JHY: variants seen among roughly 807,000 people sequenced by gnomAD.
The protein encoded by JHY is jhy protein homolog.
A neutral mutation model predicts 78.0 loss-of-function variants in JHY; 69 were observed. The ratio of observed to expected loss-of-function variants is 0.88; its 90% CI spans 0.73 to 1.08. The LOEUF (loss-of-function observed/expected upper bound fraction) is 1.08, where lower values mean the gene tolerates loss of function less well. JHY is among the 50% of genes least tolerant of loss of function. The probability of loss-of-function intolerance (pLI) is 0.00; values close to 1 mark genes in which losing one functional copy is unlikely to be tolerated. For missense variants in JHY, 944 were observed against 927.8 expected, an observed-to-expected ratio of 1.02 and a Z score of -0.23; for synonymous variants, 368 against 342.6, an observed-to-expected ratio of 1.07 and a Z score of -0.82.
intron 2 of JHY, among the ~76,000 whole-genome samples, chr11:122,902,815 C>T (rs1862890271): frequency 6.6e-6 from 1 of 152,172 alleles, no homozygotes. Flanking sequence ...AGAACTCTGT[C>T]CCCATGATCC....
chr11:122,963,715 C>T lies in JHY; in HGVS notation c.*4270C>T, dbSNP rs1208304990. Among the ~76,000 whole-genome samples, 1 of 151,940 alleles carries T rather than the reference C, an allele frequency of 6.6e-6. No homozygotes were observed. The highest frequency in any genetic ancestry group is 2.4e-5 in the African/African-American group (1 of 41,358). The stretch of plus-strand genomic sequence containing the variant: ...TATTCAAAAGCAAAAAATAATCTGC[C>T]AATTAGAAAACAAAAAACTTCAAAC... On this transcript the variant is annotated 3_prime_UTR_variant, in exon 9 of 9. Coordinates refer to ENST00000227349, the MANE Select transcript of JHY (RefSeq NM_024806.4).
intron 5 of JHY, among the ~76,000 whole-genome samples, chr11:122,941,385 C>A (rs969006696): frequency 3.3e-5 from 5 of 152,184 alleles, no homozygotes; most frequent in Non-Finnish European, 7.3e-5. Context: ...ATATTTGTAT[C>A]TCCTTTTTCC....
At chr11:122,901,648 C>T (rs1424360760) in intron 2 of JHY, among the ~76,000 whole-genome samples, 1 of 151,384 alleles carries the variant, frequency 6.6e-6, no homozygotes, top group East Asian at 1.9e-4. Context: ...CTGAGGCAGG[C>T]AGATCACGAG....
At chr11:122,941,264 C>T (rs1381378205) in intron 5 of JHY, among the ~76,000 whole-genome samples, 1 of 152,124 alleles carries the variant, frequency 6.6e-6, no homozygotes, top group Non-Finnish European at 1.5e-5. Flanking sequence ...TGTACCTGAA[C>T]CTCTTTCTAT....
intron 3 of JHY, among the ~76,000 whole-genome samples, chr11:122,909,572 G>A (rs768567387): frequency 6.6e-6 from 1 of 152,160 alleles, no homozygotes; most frequent in Non-Finnish European, 1.5e-5. Context: ...TTGAGGTCAG[G>A]AGTTTGTGAC....
chr11:122,923,680 C>T (rs1301542364), intron 3 of JHY, among the ~76,000 whole-genome samples: 1 of 151,834 alleles, frequency 6.6e-6, no homozygotes, highest in African/African-American at 2.4e-5. Flanking sequence ...AGATTAGACC[C>T]ACCTGGGGAG....
In JHY at chr11:122,885,460, G is replaced by T. The variant is rs552398925; in HGVS notation, c.-89-301G>T. Reference sequence around the variant, plus strand: ...TAATTAACCATTTGTCTTAGTCCAGGCTTGTCTGTAACAAGCCCTTGGAAG... The same window carrying T: ...TAATTAACCATTTGTCTTAGTCCAGTCTTGTCTGTAACAAGCCCTTGGAAG... On this transcript the variant is annotated intron_variant, in intron 1 of 8. Transcript: ENST00000227349. Among the ~76,000 whole-genome samples, 30 of 152,208 alleles carry T rather than the reference G, an allele frequency of 2.0e-4. 1 individual carries two copies. The highest frequency in any genetic ancestry group is 2.0e-3 in the Admixed American group (30 of 15,286).
intron 7 of JHY, 37 bp downstream of exon 7, chr11:122,956,613 C>T (rs971605715): frequency 1.0e-5 from 16 of 1,559,738 alleles, no homozygotes; most frequent in Admixed American, 3.4e-5. Flanking sequence ...CCAGACCTGA[C>T]TCAGCCCATC....
intron 3 of JHY, among the ~76,000 whole-genome samples, chr11:122,916,822 A>G (rs1863244010): frequency 6.6e-6 from 1 of 151,948 alleles, no homozygotes; most frequent in South Asian, 2.1e-4. Flanking sequence ...TATTTTTAGT[A>G]GAGATAGGGT....
chr11:122,957,290 G>A (rs1474636161), intron 7 of JHY, 73 bp from the exon 8 acceptor site: 11 of 1,448,382 alleles, frequency 7.6e-6, no homozygotes, highest in Non-Finnish European at 1.0e-5. Context: ...CTGAAACCAG[G>A]GCATCGCTTT....
chr11:122,934,802 C>T lies in JHY; in HGVS notation c.1361C>T (p.Ser454Phe). ...AAACAGGCTTTTGACAAGGTCTTAT[C>T]TAAAAACTCTACTGGATGTGACTCT... ...PPKQAFDKVL[S>F]KNSTGCDSGL... Residue 454 changes from serine to phenylalanine, a missense_variant, in exon 5 of 9, where the codon TCT becomes TTT. Ser to Phe is a radical substitution (Grantham distance 155). Transcript: ENST00000227349. 6.2e-7 allele frequency: 1 copy of T among 1,614,136 alleles called. No individual in the cohort carries two copies. The highest frequency in any genetic ancestry group is 8.5e-7 in the Non-Finnish European group (1 of 1,180,028).
intron 1 of JHY, 25 bp from the exon 2 acceptor site, chr11:122,885,735 AG>A (rs1238171240): frequency 4.0e-6 from 3 of 744,064 alleles, no homozygotes; most frequent in Non-Finnish European, 6.5e-6. Flanking sequence ...GTGGTCGCAG[AG>A]TAACATAAAT....
At chr11:122,895,765 C>T (rs1312633989) in intron 2 of JHY, among the ~76,000 whole-genome samples, 2 of 152,108 alleles carry the variant, frequency 1.3e-5, no homozygotes, top group Non-Finnish European at 2.9e-5. Flanking sequence ...CAGATGATGA[C>T]TAATGAAAGG....
chr11:122,910,555 A>G (rs898466604), intron 3 of JHY, among the ~76,000 whole-genome samples: 1 of 152,132 alleles, frequency 6.6e-6, no homozygotes, highest in African/African-American at 2.4e-5. Flanking sequence ...GTGGACGGCT[A>G]CAAAAGCAGT....
intron 2 of JHY, among the ~76,000 whole-genome samples, chr11:122,891,032 A>G (rs1412915975): frequency 6.6e-6 from 1 of 152,116 alleles, no homozygotes; most frequent in Non-Finnish European, 1.5e-5. Flanking sequence ...TCCTAGGCAC[A>G]CTCTTGCTGG....
At chr11:122,926,535 G>A (rs1443697237) in intron 4 of JHY, among the ~76,000 whole-genome samples, 2 of 152,192 alleles carry the variant, frequency 1.3e-5, no homozygotes, top group East Asian at 1.9e-4. Context: ...TTCACCCAGA[G>A]CTTCCTGAAA....
Position 122,912,612 on chromosome 11 carries a change from C to T in JHY, c.864+8168C>T, listed in dbSNP as rs149943297. Reference sequence around the variant, plus strand: ...CAAAAGTTAGCTGGCCATGATGGGGCACGCCTGTAGTCCCAGCTACTCCAG... The same window carrying T: ...CAAAAGTTAGCTGGCCATGATGGGGTACGCCTGTAGTCCCAGCTACTCCAG... On this transcript the variant is annotated intron_variant, in intron 3 of 8. Transcript: ENST00000227349. 5.8e-3 allele frequency among the ~76,000 whole-genome samples: 887 copies of T among 152,100 alleles called. 7 individuals carry two copies. The highest frequency in any genetic ancestry group is 0.017 in the African/African-American group (685 of 41,508).
At chr11:122,902,684 G>A (rs975964657) in intron 2 of JHY, among the ~76,000 whole-genome samples, 11 of 152,188 alleles carry the variant, frequency 7.2e-5, no homozygotes, top group African/African-American at 1.7e-4. Context: ...GGCCTCTTAC[G>A]GCAGAGCAGG....
In JHY at chr11:122,898,046, A is replaced by G. The variant is rs1359367289; in HGVS notation, c.345-5879A>G. On this transcript the variant is annotated intron_variant, in intron 2 of 8. Transcript: ENST00000227349. The surrounding 1 kb of genome is among the most constrained non-coding windows in gnomAD (Gnocchi z 4.4). ...CTAACATATTTTTGTGATAAGTCAC[A>G]TCCTCCTGTTTTAAATACCCATAAC... Among the ~76,000 whole-genome samples, 1 of 152,236 alleles carries G rather than the reference A, an allele frequency of 6.6e-6. No individual in the cohort carries two copies. Among genetic ancestry groups the G allele is most frequent in the African/African-American group, 2.4e-5 (1 of 41,466 alleles).
Sources: allele counts gnomAD v4.1 joint callset (sites outside exome capture counted in the v4.1 genomes callset), GRCh38; gene constraint gnomAD v4.1.1; non-coding constraint Gnocchi (gnomAD v3.1); transcripts MANE v1.5; gene names NCBI Gene and HGNC (gene_info 2026-07-23, HGNC 2026-07-21).